AP1M1: variants seen among roughly 807,000 people sequenced by gnomAD.
AP1M1 encodes the protein adaptor related protein complex 1 subunit mu 1.
Under a neutral mutation model 57.1 loss-of-function variants are expected in AP1M1, and 18 were observed. The observed-to-expected ratio is 0.32, with a 90% CI of 0.22 to 0.47. The LOEUF is 0.47. Among genes scored for constraint, AP1M1 ranks in the 20% least tolerant of loss-of-function variants. AP1M1 has a pLI of 1.00. For synonymous variants in AP1M1, 241 were observed against 237.9 expected (o/e 1.01, Z -0.12); for missense variants, 362 against 593.5 (o/e 0.61, Z 4.05).
Position 16,240,695 on chromosome 19 carries a change from C to G in AP1M1, c.*6260C>G, listed in dbSNP as rs1308683962. On this transcript the variant is annotated 3_prime_UTR_variant, in exon 12 of 12. Transcript: ENST00000291439. ...GAACTCCTGACCTCAGGTGATCTGC[C>G]TGCTTCGGCCTCCCAAAGTGCTGGG... 1 of 152,220 alleles carries G rather than the reference C, an allele frequency of 6.6e-6. No homozygotes were observed. The highest frequency in any genetic ancestry group is 2.1e-4 in the South Asian group (1 of 4,824). The allele number at this position is 152,220 out of a possible 1,614,324, so 9.4% of individuals were successfully genotyped here.
chr19:16,200,694 G>A (rs2091443269), intron 1 of AP1M1, among the ~76,000 whole-genome samples: 1 of 152,188 alleles, frequency 6.6e-6, no homozygotes. Flanking sequence ...GGGCTGGGAG[G>A]AAGCTGTCCT....
chr19:16,200,320 A>T (rs1476410360), intron 1 of AP1M1, among the ~76,000 whole-genome samples: 1 of 152,154 alleles, frequency 6.6e-6, no homozygotes, highest in Non-Finnish European at 1.5e-5. Flanking sequence ...GGAAGGCACG[A>T]TCATGTGGAA....
At position 16,245,453 on chromosome 19, in the gene AP1M1, T is replaced by C. The variant is rs992157219; in HGVS notation, c.*11018T>C. On this transcript the variant is annotated 3_prime_UTR_variant, in exon 12 of 12. Coordinates refer to ENST00000291439, the MANE Select transcript of AP1M1 (RefSeq NM_032493.4). Reference sequence around the variant, plus strand: ...CACGCCACCACACCCAGCTAATTTATGTAATTTTATAGAGTTGTGGTTTCA... The same window carrying C: ...CACGCCACCACACCCAGCTAATTTACGTAATTTTATAGAGTTGTGGTTTCA... The C allele has an allele frequency of 3.3e-5, 5 of 151,950 alleles. No homozygotes were observed. Among genetic ancestry groups the C allele is most frequent in the Non-Finnish European group, 5.9e-5 (4 of 68,000 alleles). The allele number at this position is 151,950 out of a possible 1,614,324, so 9.4% of individuals were successfully genotyped here. A position where few individuals can be genotyped will look rare whatever the true frequency, so the allele number is the denominator to read the frequency against.
At chr19:16,216,836 G>A (rs2091520948) in intron 5 of AP1M1, among the ~76,000 whole-genome samples, 1 of 152,224 alleles carries the variant, frequency 6.6e-6, no homozygotes, top group South Asian at 2.1e-4. Flanking sequence ...CAGACAGCTG[G>A]TCACAACACT....
chr19:16,224,267 G>T (rs2091560040), intron 5 of AP1M1, among the ~76,000 whole-genome samples: 1 of 152,304 alleles, frequency 6.6e-6, no homozygotes, highest in South Asian at 2.1e-4. Flanking sequence ...GGTGCTGTGG[G>T]GTGCAAAGGC....
rs142920647 is a variant in AP1M1 at position 16,199,516 on chromosome 19, G to A, written c.42+1448G>A. On this transcript the variant is annotated intron_variant, in intron 1 of 11. Transcript: ENST00000291439. ...ATCAGTGAGAGAAACAAACATGGGTGTCAGGTCCTAGGTGAGGCGGGCAGG... is the reference window on the plus strand; with the variant it reads ...ATCAGTGAGAGAAACAAACATGGGTATCAGGTCCTAGGTGAGGCGGGCAGG... Among the ~76,000 whole-genome samples the A allele has an allele frequency of 3.2e-3, 495 of 152,338 alleles. 3 individuals carry two copies. The highest frequency in any genetic ancestry group is 7.9e-3 in the African/African-American group (327 of 41,576).
At chr19:16,234,107 G>C in intron 10 of AP1M1, 92 bp from the exon 11 acceptor site, 2 of 1,322,996 alleles carry the variant, frequency 1.5e-6, no homozygotes, top group East Asian at 4.9e-5. Flanking sequence ...GGCCTCCCCT[G>C]CCAGCCCCAG....
chr19:16,201,861 G>A (rs966107704), intron 1 of AP1M1, among the ~76,000 whole-genome samples: 1 of 152,218 alleles, frequency 6.6e-6, no homozygotes, highest in African/African-American at 2.4e-5. Context: ...GCAGAGAGGC[G>A]TCAGAGGGGC....
intron 10 of AP1M1, 108 bp downstream of exon 10, chr19:16,233,726 C>T (rs1599468345): frequency 1.4e-6 from 2 of 1,386,164 alleles, no homozygotes; most frequent in East Asian, 4.9e-5. Context: ...GCAATCAGGA[C>T]CCTGCTGTGC....
chr19:16,226,535 G>A lies in AP1M1; in HGVS notation c.661G>A (p.Asp221Asn), dbSNP rs761062270. Residue 221 changes from aspartate (D) to asparagine (N), a missense_variant, in exon 6 of 12, where the codon GAC becomes AAC. Around this residue, in one of 2 missense-constraint regions of AP1M1, gnomAD observed 337 missense variants for 511.1 expected, o/e 0.66. Transcript: ENST00000291439. ...GGGCCTCAACGACAAGGTCCTCTTT[G>A]ACAACACGGGCCGTGAGTACCCTTG... ...RLGLNDKVLF[D>N]NTGRGKSKSV... The A allele has an allele frequency of 1.3e-6, 2 of 1,587,628 alleles. No individual in the cohort carries two copies. The highest frequency in any genetic ancestry group is 2.3e-5 in the East Asian group (1 of 43,908).
intron 5 of AP1M1, among the ~76,000 whole-genome samples, chr19:16,209,969 T>G (rs1363838517): frequency 1.3e-5 from 2 of 152,212 alleles, no homozygotes; most frequent in African/African-American, 2.4e-5. Flanking sequence ...GTTGCCCCTT[T>G]GTAGCTCCAT....
rs577475020 is a variant in AP1M1, at chr19:16,234,453, C to T, written c.*18C>T. 5 of 1,613,504 alleles carry T rather than the reference C, an allele frequency of 3.1e-6. No homozygotes were observed. The highest frequency in any genetic ancestry group is 3.4e-6 in the Non-Finnish European group (4 of 1,179,884). ...CCCAGTGAGGGGCTGTCGCAGCCAA[C>T]ACCCCGGCCTCGGGGCTCCTGGTGG... is the stretch of plus-strand genomic sequence containing the variant. On this transcript the variant is annotated 3_prime_UTR_variant, in exon 12 of 12. Coordinates refer to ENST00000291439, the MANE Select transcript of AP1M1 (RefSeq NM_032493.4).
intron 5 of AP1M1, chr19:16,210,517 C>T: frequency 6.1e-6 from 4 of 653,546 alleles, no homozygotes; most frequent in South Asian, 4.9e-5. Context: ...TTTTGTCATC[C>T]TAATAGGTAT....
intron 5 of AP1M1, among the ~76,000 whole-genome samples, chr19:16,216,935 G>T (rs1223620748): frequency 1.3e-5 from 2 of 152,250 alleles, no homozygotes; most frequent in Non-Finnish European, 2.9e-5. Context: ...GCACAGCGGG[G>T]TGCACGCTTA....
chr19:16,199,119 G>A (rs185552764), intron 1 of AP1M1, among the ~76,000 whole-genome samples: 1 of 152,290 alleles, frequency 6.6e-6, no homozygotes, highest in Admixed American at 6.5e-5. Flanking sequence ...AACAATCTGT[G>A]TTCTTACGGT....
chr19:16,216,250 C>G (rs1386680510), intron 5 of AP1M1, among the ~76,000 whole-genome samples: 2 of 152,142 alleles, frequency 1.3e-5, no homozygotes, highest in African/African-American at 4.8e-5. Flanking sequence ...TTGAGACCAT[C>G]CTGGTGAACA....
intron 5 of AP1M1, among the ~76,000 whole-genome samples, chr19:16,211,749 C>CA (rs959130072): frequency 4.1e-5 from 6 of 147,458 alleles, no homozygotes; most frequent in East Asian, 4.0e-4. Context: ...GACCCTGTTT[C>CA]AAAAAAAAAC....
chr19:16,200,600 C>T (rs570844698), intron 1 of AP1M1, among the ~76,000 whole-genome samples: 3 of 152,290 alleles, frequency 2.0e-5, no homozygotes, highest in South Asian at 2.1e-4. Context: ...CCTCGTGAGC[C>T]GACTGCATTT....
chr19:16,241,776 C>A lies in AP1M1; in HGVS notation c.*7341C>A, dbSNP rs1332752919. The stretch of plus-strand genomic sequence containing the variant: ...TTGGGAGGCTGAGGCAGGCGGATCA[C>A]CTGAGGTTGGGAGTTCGAGATCAGC... On this transcript the variant is annotated 3_prime_UTR_variant, in exon 12 of 12. Coordinates refer to ENST00000291439, the MANE Select transcript of AP1M1 (RefSeq NM_032493.4). The A allele has an allele frequency of 6.6e-6, 1 of 151,732 alleles. No homozygotes were observed. The highest frequency in any genetic ancestry group is 2.1e-4 in the South Asian group (1 of 4,810). The allele number at this position is 151,732 out of a possible 1,614,324, so 9.4% of individuals were successfully genotyped here.
Sources: allele counts gnomAD v4.1 joint callset (sites outside exome capture counted in the v4.1 genomes callset), GRCh38; gene constraint gnomAD v4.1.1; regional missense constraint gnomAD v4.1.1; transcripts MANE v1.5; gene names NCBI Gene and HGNC (gene_info 2026-07-23, HGNC 2026-07-21).